The following PMS1 variants were observed in gnomAD, a reference collection of about 807,000 sequenced individuals.
PMS1 encodes PMS1 protein homolog 1.
PMS1 carries 79 observed loss-of-function variants against 93.1 expected under a neutral mutation model. The observed-to-expected ratio is 0.85, with a 90% CI of 0.71 to 1.02. The LOEUF (loss-of-function observed/expected upper bound fraction) is 1.02. Among genes scored for constraint, PMS1 ranks in the 50% least tolerant of loss-of-function variants. The pLI, the probability that PMS1 is intolerant of heterozygous loss-of-function variation, is 0.00. For missense variants in PMS1, 1,064 were observed against 1,085.3 expected (o/e 0.98, Z 0.28); for synonymous variants, 335 against 363.4 (o/e 0.92, Z 0.89).
intron 5 of PMS1, among the ~76,000 whole-genome samples, chr2:189,829,077 A>G (rs1392546662): frequency 1.3e-5 from 2 of 152,160 alleles, no homozygotes; most frequent in African/African-American, 4.8e-5. Context: ...AACATTGAAT[A>G]TAGTAGAGGA....
rs5743138 is a variant in PMS1 at position 189,855,819 on chromosome 2, A to G, written c.1856+691A>G. On this transcript the variant is annotated intron_variant, in intron 9 of 12. Transcript: ENST00000441310. The stretch of plus-strand genomic sequence containing the variant: ...CAAAATAATATGATGAATGTTTTTA[A>G]TTGACTTAGGACACTTAATATAAAC... 2.2e-4 allele frequency: 179 copies of G among 814,992 alleles called. 1 individual carries two copies. The African/African-American group carries it at 3.0e-3, about 14-fold the overall frequency. The allele number at this position is 814,992 out of a possible 1,614,324, so 50.5% of individuals were successfully genotyped here.
rs751943907 is a variant in PMS1, at chr2:189,791,788, A to G, written c.-20-2A>G. The G allele has an allele frequency of 1.2e-6, 2 of 1,612,106 alleles. No individual in the cohort carries two copies. Among genetic ancestry groups the G allele is most frequent in the Admixed American group, 1.7e-5 (1 of 59,998 alleles). ...CTTACAAGTTGCATTTTTATCTTCT[A>G]GCTGCTCTGTTAAAAGCGAAAATGA... On this transcript the variant is annotated splice_acceptor_variant, in intron 1 of 12. Transcript: ENST00000441310. LOFTEE classifies it low-confidence loss of function (5UTR_SPLICE).
rs867530959 is a variant in PMS1 at position 189,807,397 on chromosome 2, G to A, written c.418+1643G>A. The stretch of plus-strand genomic sequence containing the variant: ...TATCAAAGGTTAGGACAGACAGAAG[G>A]CATTTTTAAAATATGGCTCCTCTCT... On this transcript the variant is annotated intron_variant, in intron 4 of 12. Transcript: ENST00000441310. Among the ~76,000 whole-genome samples the A allele has an allele frequency of 1.9e-4, 29 of 152,220 alleles. No homozygotes were observed. In the Middle Eastern group the frequency reaches 0.01, roughly 54 times the overall value.
Position 189,863,415 on chromosome 2 carries a change from G to C in PMS1, c.1857-328G>C, listed in dbSNP as rs531407042. On this transcript the variant is annotated intron_variant, in intron 9 of 12. Coordinates refer to ENST00000441310, the MANE Select transcript of PMS1 (RefSeq NM_000534.5). ...ACTACAAGTGCACACCAACATGCCT[G>C]GCTAACTTTTGTGTTTTTAGTAGAG... 2.0e-5 allele frequency among the ~76,000 whole-genome samples: 3 copies of C among 152,104 alleles called. No homozygotes were observed. The South Asian group carries it at 6.2e-4, about 32-fold the overall frequency.
chr2:189,804,947 A>G (rs2050206602), intron 3 of PMS1, among the ~76,000 whole-genome samples: 1 of 151,676 alleles, frequency 6.6e-6, no homozygotes, highest in Admixed American at 6.6e-5. Flanking sequence ...TTTCATACCT[A>G]CCTCATGGGG....
At chr2:189,876,187 G>A (rs2057551738) in intron 12 of PMS1, among the ~76,000 whole-genome samples, 1 of 152,092 alleles carries the variant, frequency 6.6e-6, no homozygotes, top group African/African-American at 2.4e-5. Context: ...TGATATATGT[G>A]GTGAAAGAGT....
Position 189,864,183 on chromosome 2 carries a change from A to G in PMS1, c.2297A>G (p.Lys766Arg), listed in dbSNP as rs1329399520. The change falls in exon 10 of 13, where the codon AAA becomes AGA. Residue 766 changes from lysine (K) to arginine (R), a missense_variant. Coordinates refer to ENST00000441310, the MANE Select transcript of PMS1 (RefSeq NM_000534.5). ...TTTAAAAGACTTCTTGAGAATCATAAACTTCCTGCAGAGCCACTGGAAAAG... is the reference window on the plus strand; with the variant it reads ...TTTAAAAGACTTCTTGAGAATCATAGACTTCCTGCAGAGCCACTGGAAAAG... ...LLFKRLLENH[K>R]LPAEPLEKPI... The G allele has an allele frequency of 6.2e-7, 1 of 1,610,658 alleles. No individual in the cohort carries two copies. The highest frequency in any genetic ancestry group is 8.5e-7 in the Non-Finnish European group (1 of 1,177,304).
Position 189,805,737 on chromosome 2 carries a change from C to T in PMS1, c.401C>T (p.Pro134Leu), listed in dbSNP as rs776398978. The T allele has an allele frequency of 7.7e-5, 125 of 1,613,612 alleles. No homozygotes were observed. The highest frequency in any genetic ancestry group is 1.0e-4 in the Non-Finnish European group (121 of 1,179,882). ...DGSGHILSQKPSHLGQGTTVT... is the reference protein window; with the variant it reads ...DGSGHILSQKLSHLGQGTTVT... ...AGTGGCCACATACTTTCTCAGAAAC[C>T]TTCACATCTTGGTCAAGGTAAGAAA... Residue 134 changes from proline to leucine, a missense_variant, in exon 4 of 13, where the codon CCT becomes CTT. Pro to Leu is a moderately conservative substitution (Grantham distance 98). Coordinates refer to ENST00000441310, the MANE Select transcript of PMS1 (RefSeq NM_000534.5).
intron 10 of PMS1, among the ~76,000 whole-genome samples, chr2:189,864,940 A>G (rs966739842): frequency 2.6e-5 from 4 of 151,202 alleles, no homozygotes; most frequent in Non-Finnish European, 5.9e-5. Flanking sequence ...ATAGAAGTAT[A>G]CGATGCATAC....
At chr2:189,826,450 CTTTTTTTT>C (rs76322920) in intron 5 of PMS1, among the ~76,000 whole-genome samples, 1 of 126,094 alleles carries the variant, frequency 7.9e-6, no homozygotes, top group Non-Finnish European at 1.7e-5. Flanking sequence ...GGTTTGGGGT[CTTTTTTTT>C]TTTTTTGCTA....
chr2:189,808,585 C>A (rs575244332), intron 4 of PMS1, among the ~76,000 whole-genome samples: 1 of 152,166 alleles, frequency 6.6e-6, no homozygotes, highest in Non-Finnish European at 1.5e-5. Flanking sequence ...CCCTCCTCAG[C>A]CCCGCAAAGT....
chr2:189,788,077 G>T (rs544542821), intron 1 of PMS1, among the ~76,000 whole-genome samples: 5 of 152,278 alleles, frequency 3.3e-5, no homozygotes, highest in African/African-American at 9.6e-5. Context: ...AAAGATCTTG[G>T]ATTTGGCATT....
chr2:189,877,127 C>T lies in PMS1; in HGVS notation c.2635-145C>T, dbSNP rs906360292. 5.8e-6 allele frequency: 4 copies of T among 694,998 alleles called. No individual in the cohort carries two copies. The African/African-American group carries it at 7.1e-5, about 12-fold the overall frequency. The allele number at this position is 694,998 out of a possible 1,614,324, so 43.1% of individuals were successfully genotyped here. ...TTCACCACTACATCCCGAGAGCTGA[C>T]AACATAGTTGATACTTAATAAATAT... On this transcript the variant is annotated intron_variant, in intron 12 of 12. Transcript: ENST00000441310.
chr2:189,819,456 T>C (rs1320670333), intron 5 of PMS1, among the ~76,000 whole-genome samples: 1 of 152,186 alleles, frequency 6.6e-6, no homozygotes, highest in Non-Finnish European at 1.5e-5. Context: ...GAACTAAAAA[T>C]ACTGTTTTCC....
At chr2:189,795,548 C>G (rs1298258258) in intron 2 of PMS1, among the ~76,000 whole-genome samples, 1 of 152,146 alleles carries the variant, frequency 6.6e-6, no homozygotes, top group South Asian at 2.1e-4. Flanking sequence ...GCCTAACCTC[C>G]TTATTCAACA....
At chr2:189,843,475 C>T (rs955652700) in intron 5 of PMS1, among the ~76,000 whole-genome samples, 25 of 152,088 alleles carry the variant, frequency 1.6e-4, no homozygotes, top group Admixed American at 3.9e-4. Context: ...ATGCTCTTTC[C>T]GAAATTTTTA....
At chr2:189,862,275 G>T (rs1358302698) in intron 9 of PMS1, among the ~76,000 whole-genome samples, 2 of 152,038 alleles carry the variant, frequency 1.3e-5, no homozygotes, top group African/African-American at 2.4e-5. Flanking sequence ...AGCCTACCCG[G>T]TGAATATTTA....
intron 10 of PMS1, among the ~76,000 whole-genome samples, chr2:189,866,800 T>C (rs1040072500): frequency 6.6e-6 from 1 of 152,204 alleles, no homozygotes; most frequent in Admixed American, 6.5e-5. Flanking sequence ...ACACGGACAG[T>C]AAATAAGCTG....
Position 189,806,140 on chromosome 2 carries a change from T to C in PMS1, c.418+386T>C, listed in dbSNP as rs538986375. On this transcript the variant is annotated intron_variant, in intron 4 of 12. Coordinates refer to ENST00000441310, the MANE Select transcript of PMS1 (RefSeq NM_000534.5). ...AATAAACGATACCATCAAGATATGA[T>C]TAAATAATTTAAAATCTATTTGTTA... The C allele has an allele frequency of 2.1e-4, 75 of 350,312 alleles. 1 individual carries two copies. In the East Asian group the frequency reaches 3.5e-3, roughly 16 times the overall value. The allele number at this position is 350,312 out of a possible 1,614,324, so 21.7% of individuals were successfully genotyped here.
Sources: gnomAD v4.1 joint callset for allele counts (sites outside exome capture counted in the v4.1 genomes callset) on GRCh38, gnomAD v4.1.1 for gene constraint, MANE v1.5 for transcripts, NCBI Gene and HGNC (gene_info 2026-07-23, HGNC 2026-07-21) for gene names.